The following NFXL1 variants were observed in gnomAD, a reference collection of about 807,000 sequenced individuals.
NFXL1 encodes NF-X1-type zinc finger protein NFXL1.
NFXL1 carries 66 observed loss-of-function variants against 123.3 expected under a neutral mutation model. That is an observed-to-expected ratio of 0.54 (90% CI 0.44 to 0.66). The LOEUF is 0.66. Among genes scored for constraint, NFXL1 ranks in the 30% least tolerant of loss-of-function variants. The pLI is 0.00. For missense variants in NFXL1, 944 were observed against 1,125.6 expected, an observed-to-expected ratio of 0.84 and a Z score of 2.31; for synonymous variants, 346 against 360.8, an observed-to-expected ratio of 0.96 and a Z score of 0.46.
At chr4:47,904,722 TAC>T (rs771031379) in intron 4 of NFXL1, among the ~76,000 whole-genome samples, 69 of 152,222 alleles carry the variant, frequency 4.5e-4, no homozygotes, top group Non-Finnish European at 1.5e-4. Context: ...CTTTTAAATT[TAC>T]ACATATATAT....
At chr4:47,909,118 T>C (rs887507255) in intron 3 of NFXL1, among the ~76,000 whole-genome samples, 3 of 152,116 alleles carry the variant, frequency 2.0e-5, no homozygotes, top group Admixed American at 2.0e-4. Flanking sequence ...TACTTACACA[T>C]ACTGATTCAT....
rs1411673124 is a variant in NFXL1 at position 47,914,513 on chromosome 4, C to T, written c.-151G>A. On this transcript the variant is annotated 5_prime_UTR_variant, in exon 1 of 23. Coordinates refer to ENST00000507489, the MANE Select transcript of NFXL1 (RefSeq NM_001278624.2). ...GAAGTCGAAACCGCCTCCTCAGCCT[C>T]TGCGGGAGCGTGGTAGGGGAAGAGT... is the stretch of plus-strand genomic sequence containing the variant. 3.1e-6 allele frequency: 1 copy of T among 317,826 alleles called. No individual in the cohort carries two copies. The highest frequency in any genetic ancestry group is 2.1e-5 in the African/African-American group (1 of 46,994). 19.7% of individuals were successfully genotyped at this position (317,826 alleles called of 1,614,324 possible).
At chr4:47,913,459 T>C (rs1015865308) in intron 2 of NFXL1, among the ~76,000 whole-genome samples, 3 of 152,118 alleles carry the variant, frequency 2.0e-5, no homozygotes, top group African/African-American at 7.2e-5. Context: ...AGATGACAAA[T>C]GACACCTGGC....
At position 47,907,550 on chromosome 4, in the gene NFXL1, T is replaced by C. The variant is rs79179288; in HGVS notation, c.407-2204A>G. 8.2e-3 allele frequency among the ~76,000 whole-genome samples: 1,242 copies of C among 152,286 alleles called. 17 individuals carry two copies. Among genetic ancestry groups the C allele is most frequent in the African/African-American group, 0.028 (1,167 of 41,566 alleles). On this transcript the variant is annotated intron_variant, in intron 3 of 22. Coordinates refer to ENST00000507489, the MANE Select transcript of NFXL1 (RefSeq NM_001278624.2). ...CTTTGGTAAAGTCCTGGTCTTCAAT[T>C]CACTAATGTTAAGGTGGGAACCATC...
At chr4:47,880,854 A>ACACTGCAT (rs1736067846) in intron 15 of NFXL1, among the ~76,000 whole-genome samples, 1 of 151,574 alleles carries the variant, frequency 6.6e-6, no homozygotes, top group Non-Finnish European at 1.5e-5. Flanking sequence ...AGGAAATTAA[A>ACACTGCAT]CACTGCATGT....
chr4:47,887,476 A>G (rs975603217), intron 12 of NFXL1, among the ~76,000 whole-genome samples: 1 of 152,236 alleles, frequency 6.6e-6, no homozygotes. Context: ...GGTCAAACAT[A>G]ACATTTATTA....
intron 10 of NFXL1, among the ~76,000 whole-genome samples, chr4:47,895,376 CT>C (rs1737025680): frequency 6.6e-6 from 1 of 152,222 alleles, no homozygotes; most frequent in South Asian, 2.1e-4. Flanking sequence ...TATATTGTAT[CT>C]TCTTCCAGTA....
intron 3 of NFXL1, among the ~76,000 whole-genome samples, chr4:47,906,162 A>G (rs898713253): frequency 6.6e-6 from 1 of 152,204 alleles, no homozygotes; most frequent in African/African-American, 2.4e-5. Context: ...TGAAAAACAG[A>G]ATGAGTCCTC....
At chr4:47,859,770 A>G (rs1715597686) in intron 19 of NFXL1, among the ~76,000 whole-genome samples, 1 of 134,294 alleles carries the variant, frequency 7.4e-6, no homozygotes, top group East Asian at 2.5e-4. Context: ...TGAACCTGGG[A>G]GGTGGAGGTT....
At chr4:47,910,455 TA>T (rs993922159) in intron 3 of NFXL1, among the ~76,000 whole-genome samples, 13 of 152,130 alleles carry the variant, frequency 8.5e-5, no homozygotes, top group African/African-American at 3.1e-4. Flanking sequence ...AAAAAATGAA[TA>T]GATTGAAAGG....
chr4:47,886,745 C>T (rs753364320), intron 12 of NFXL1, among the ~76,000 whole-genome samples: 1 of 152,174 alleles, frequency 6.6e-6, no homozygotes, highest in Non-Finnish European at 1.5e-5. Flanking sequence ...TGTGCTAAAA[C>T]TTCTGTTCTA....
At chr4:47,888,134 C>A (rs1432838565) in intron 12 of NFXL1, among the ~76,000 whole-genome samples, 1 of 152,086 alleles carries the variant, frequency 6.6e-6, no homozygotes, top group South Asian at 2.1e-4. Flanking sequence ...ATTAGCTGGA[C>A]ATGGTGGCAT....
rs187332774 is a variant in NFXL1, at chr4:47,904,068, G to A, written c.517-745C>T. 3.7e-4 allele frequency among the ~76,000 whole-genome samples: 56 copies of A among 152,262 alleles called. No homozygotes were observed. The South Asian group carries it at 3.9e-3, about 11-fold the overall frequency. On this transcript the variant is annotated intron_variant, in intron 4 of 22. Coordinates refer to ENST00000507489, the MANE Select transcript of NFXL1 (RefSeq NM_001278624.2). ...CATTAAACAGCCGACTTCTTAGTTT[G>A]GGTTACCCCCAAAGCGGTATCTAAG...
Position 47,896,487 on chromosome 4 carries a change from A to G in NFXL1, c.1329+36T>C, listed in dbSNP as rs1171244647. On this transcript the variant is annotated intron_variant, in intron 10 of 22. Transcript: ENST00000507489. ...TCTCATTTGATACATTATGATAGGTAGCTCTTAAAAGTAATTATTACAGGA... is the reference window on the plus strand; with the variant it reads ...TCTCATTTGATACATTATGATAGGTGGCTCTTAAAAGTAATTATTACAGGA... The G allele has an allele frequency of 1.3e-5, 20 of 1,539,632 alleles. 1 individual carries two copies. Among genetic ancestry groups the G allele is most frequent in the Non-Finnish European group, 1.6e-5 (18 of 1,113,228 alleles).
At chr4:47,890,896 T>C (rs1017412364) in intron 11 of NFXL1, among the ~76,000 whole-genome samples, 193 bp from the exon 12 acceptor site, 1 of 152,122 alleles carries the variant, frequency 6.6e-6, no homozygotes, top group Non-Finnish European at 1.5e-5. Context: ...ATTTAACAAA[T>C]CAAGCTAAAT....
At position 47,855,091 on chromosome 4, in the gene NFXL1, T is replaced by G. The variant is rs763026481; in HGVS notation, c.2389A>C (p.Lys797Gln). 3.2e-6 allele frequency: 5 copies of G among 1,557,556 alleles called. No individual in the cohort carries two copies. Among genetic ancestry groups the G allele is most frequent in the Admixed American group, 3.5e-5 (2 of 57,554 alleles). ...ECPFNCNQKVKLRCPCKRIKK... is the reference protein window; with the variant it reads ...ECPFNCNQKVQLRCPCKRIKK... The stretch of plus-strand genomic sequence containing the variant: ...ATTCTTTTACAAGGACATCTAAGTT[T>G]TACCTTCTGGTTGCAGTTAAAGGGA... Residue 797 changes from lysine to glutamine, a missense_variant, in exon 20 of 23, where the codon AAA becomes CAA. By Grantham distance (53) the Lys-to-Gln change is moderately conservative. This residue lies in a region of NFXL1 where 301 missense variants were observed against 348.0 expected (regional missense o/e 0.86). Coordinates refer to ENST00000507489, the MANE Select transcript of NFXL1 (RefSeq NM_001278624.2).
At chr4:47,904,726 CATATAT>C (rs1380630554) in intron 4 of NFXL1, among the ~76,000 whole-genome samples, 1 of 152,136 alleles carries the variant, frequency 6.6e-6, no homozygotes, top group African/African-American at 2.4e-5. Flanking sequence ...TAAATTTACA[CATATAT>C]ATCTTTATCA....
chr4:47,899,653 T>C (rs898476935), intron 5 of NFXL1, 105 bp from the exon 6 acceptor site: 2 of 681,022 alleles, frequency 2.9e-6, no homozygotes, highest in African/African-American at 3.6e-5. Flanking sequence ...AGTTTTATGT[T>C]AAGGAACTCT....
chr4:47,852,079 G>A (rs1033595716), intron 20 of NFXL1, 137 bp from the exon 21 acceptor site: 2 of 524,692 alleles, frequency 3.8e-6, no homozygotes, highest in Non-Finnish European at 6.8e-6. Flanking sequence ...TGATATAGTT[G>A]CAAGCATTAA....
Sources: gnomAD v4.1 joint callset for allele counts (sites outside exome capture counted in the v4.1 genomes callset) on GRCh38, gnomAD v4.1.1 for gene constraint, gnomAD v4.1.1 regional missense constraint, MANE v1.5 for transcripts, NCBI Gene and HGNC (gene_info 2026-07-23, HGNC 2026-07-21) for gene names.